The following EZH2 variants were observed in gnomAD, a reference collection of about 807,000 sequenced individuals.
EZH2 encodes enhancer of zeste 2 polycomb repressive complex 2 subunit, also known as histone-lysine N-methyltransferase EZH2.
In EZH2, 18 loss-of-function variants were observed where a neutral mutation model predicts 98.4. That is an observed-to-expected ratio of 0.18 (90% CI 0.13 to 0.27). The LOEUF is 0.27. Ranked by LOEUF, EZH2 falls within the 10% of genes least tolerant of loss-of-function variation. EZH2 has a pLI of 1.00. For missense variants in EZH2, 470 were observed against 935.1 expected, an observed-to-expected ratio of 0.50 and a Z score of 6.49; for synonymous variants, 338 against 312.3, an observed-to-expected ratio of 1.08 and a Z score of -0.87.
intron 1 of EZH2, among the ~76,000 whole-genome samples, chr7:148,875,861 CAG>C (rs1487559470): frequency 2.6e-5 from 4 of 152,132 alleles, no homozygotes; most frequent in Non-Finnish European, 5.9e-5. Flanking sequence ...AATATTAATT[CAG>C]AGAGTTTACT....
At chr7:148,850,496 C>A (rs1324994810) in intron 1 of EZH2, 2 of 940,294 alleles carry the variant, frequency 2.1e-6, no homozygotes, top group Non-Finnish European at 2.5e-6. Context: ...CCAGGTAGTT[C>A]TTTGAAAGTG....
At chr7:148,819,803 T>A in intron 8 of EZH2, 116 bp from the exon 9 acceptor site, 1 of 847,676 alleles carries the variant, frequency 1.2e-6, no homozygotes, top group Non-Finnish European at 1.8e-6. Context: ...ATATGTGGTT[T>A]ACGTTACTTC....
chr7:148,807,814 TAAAAAAAAA>T (rs35866517), intron 19 of EZH2, 108 bp from the exon 20 acceptor site: 27 of 400,234 alleles, frequency 6.7e-5, no homozygotes, highest in Middle Eastern at 5.7e-4. Context: ...AAAATGTCTT[TAAAAAAAAA>T]AAAAAAAAAA....
intron 3 of EZH2, among the ~76,000 whole-genome samples, chr7:148,845,193 G>A (rs2129484531): frequency 6.6e-6 from 1 of 152,196 alleles, no homozygotes; most frequent in Non-Finnish European, 1.5e-5. Context: ...GAGAAAATGA[G>A]GTTTTTCTTT....
intron 3 of EZH2, among the ~76,000 whole-genome samples, chr7:148,844,069 T>G (rs1813294548): frequency 6.6e-6 from 1 of 151,658 alleles, no homozygotes; most frequent in African/African-American, 2.4e-5. Context: ...TGCTATAGAC[T>G]TTACGTGTTT....
Position 148,848,637 on chromosome 7 carries a change from G to A in EZH2, c.-7-1332C>T, listed in dbSNP as rs182526345. On this transcript the variant is annotated intron_variant, in intron 1 of 19. Transcript: ENST00000320356. Reference sequence around the variant, plus strand: ...TTACTCAGAGCTGTAACAAAGGGGCGAAGAAATTCATTTTCTCAAGCATGT... The same window carrying A: ...TTACTCAGAGCTGTAACAAAGGGGCAAAGAAATTCATTTTCTCAAGCATGT... Among the ~76,000 whole-genome samples the A allele has an allele frequency of 1.1e-3, 163 of 152,240 alleles. 2 individuals carry two copies. The highest frequency in any genetic ancestry group is 3.5e-3 in the African/African-American group (146 of 41,550).
At chr7:148,862,425 A>G (rs1817809900) in intron 1 of EZH2, among the ~76,000 whole-genome samples, 1 of 152,216 alleles carries the variant, frequency 6.6e-6, no homozygotes, top group South Asian at 2.1e-4. Context: ...GTAACAGACA[A>G]AAGTTTTCCA....
intron 1 of EZH2, among the ~76,000 whole-genome samples, chr7:148,882,102 T>G (rs1821089140): frequency 6.6e-6 from 1 of 152,150 alleles, no homozygotes; most frequent in Non-Finnish European, 1.5e-5. Context: ...ACAGAATTAA[T>G]AGTAACTAAT....
chr7:148,867,938 C>T (rs1818780582), intron 1 of EZH2, among the ~76,000 whole-genome samples: 2 of 152,214 alleles, frequency 1.3e-5, no homozygotes, highest in Admixed American at 1.3e-4. Context: ...TCTTTGCTAA[C>T]ACATAGCAAG....
chr7:148,809,928 C>T (rs1802563166), intron 17 of EZH2, among the ~76,000 whole-genome samples: 1 of 152,232 alleles, frequency 6.6e-6, no homozygotes, highest in Admixed American at 6.5e-5. Flanking sequence ...CCTCTCAGTC[C>T]TTTGAGAATA....
chr7:148,819,666 G>A lies in EZH2; in HGVS notation c.929C>T (p.Thr310Ile), dbSNP rs2129472399. 6.2e-7 allele frequency: 1 copy of A among 1,614,094 alleles called. No individual in the cohort carries two copies. Residue 310 changes from threonine to isoleucine, a missense_variant, in exon 9 of 20, where the codon ACT becomes ATT. Thr to Ile is a moderately conservative substitution (Grantham distance 89). Coordinates refer to ENST00000320356, the MANE Select transcript of EZH2 (RefSeq NM_004456.5). ...TGTTTCTGTGTTCTTCCGCTTATAA[G>A]TGTTGGGTGTTGCATGAAAAGCTGC... Reference protein sequence around the residue: ...CNYSFHATPNTYKRKNTETAL... With the variant: ...CNYSFHATPNIYKRKNTETAL...
chr7:148,809,162 A>G lies in EZH2; in HGVS notation c.2111-7T>C. The G allele has an allele frequency of 6.2e-7, 1 of 1,613,960 alleles. No individual in the cohort carries two copies. Among genetic ancestry groups the G allele is most frequent in the South Asian group, 1.1e-5 (1 of 91,064 alleles). ...TCACCGTTAACCATCATAACTGCAAAGAGACACACTGGTGTCAGTGAGCAT... is the reference window on the plus strand; with the variant it reads ...TCACCGTTAACCATCATAACTGCAAGGAGACACACTGGTGTCAGTGAGCAT... On this transcript the variant is annotated splice_polypyrimidine_tract_variant and splice_region_variant and intron_variant, in intron 18 of 19. Transcript: ENST00000320356.
chr7:148,870,580 G>A (rs1228324785), intron 1 of EZH2, among the ~76,000 whole-genome samples: 1 of 151,734 alleles, frequency 6.6e-6, no homozygotes, highest in Non-Finnish European at 1.5e-5. Context: ...GTGCATACCT[G>A]TAATCCCAGA....
At chr7:148,856,130 T>A (rs1434470102) in intron 1 of EZH2, among the ~76,000 whole-genome samples, 1 of 152,128 alleles carries the variant, frequency 6.6e-6, no homozygotes, top group African/African-American at 2.4e-5. Context: ...GATAATCTCA[T>A]GGAAGGAGCA....
chr7:148,819,691 C>CA lies in EZH2; in HGVS notation c.908-5dup, dbSNP rs1805468089. 1.2e-6 allele frequency: 2 copies of CA among 1,612,728 alleles called. No individual in the cohort carries two copies. The highest frequency in any genetic ancestry group is 1.7e-5 in the Admixed American group (1 of 59,892). Reference sequence around the variant, plus strand: ...GTGTTGGGTGTTGCATGAAAAGCTGCAAAATAAATGAAACAAAGAATCTAA... The same window carrying CA: ...GTGTTGGGTGTTGCATGAAAAGCTGCAAAAATAAATGAAACAAAGAATCTAA... On this transcript the variant is annotated splice_polypyrimidine_tract_variant and splice_region_variant and intron_variant, in intron 8 of 19. Transcript: ENST00000320356.
At chr7:148,881,710 C>T (rs1355123976) in intron 1 of EZH2, among the ~76,000 whole-genome samples, 4 of 151,922 alleles carry the variant, frequency 2.6e-5, no homozygotes, top group African/African-American at 9.7e-5. Context: ...GAGGCGGGTA[C>T]ATCACTTCAG....
intron 1 of EZH2, among the ~76,000 whole-genome samples, chr7:148,874,082 G>C (rs1172170373): frequency 6.6e-6 from 1 of 152,090 alleles, no homozygotes; most frequent in East Asian, 1.9e-4. Flanking sequence ...ACAGGAGAAA[G>C]ATATAAGAAG....
At position 148,846,884 on chromosome 7, in the gene EZH2, AT is replaced by A. The variant is rs1161068583; in HGVS notation, c.118-287del. On this transcript the variant is annotated intron_variant, in intron 2 of 19. Transcript: ENST00000320356. ...TGTGTGTGTGTGTGTGTGTGTGTGTATTTTTTTTTTTAATCACAATGACTTT... is the reference window on the plus strand; with the variant it reads ...TGTGTGTGTGTGTGTGTGTGTGTGTATTTTTTTTTTAATCACAATGACTTT... Among the ~76,000 whole-genome samples the A allele has an allele frequency of 0.022, 2,064 of 92,346 alleles. 47 individuals are homozygous for A. Among genetic ancestry groups the A allele is most frequent in the African/African-American group, 0.068 (1,783 of 26,322 alleles). The allele number at this position is 92,346 out of a possible 152,430, so 60.6% of individuals were successfully genotyped here.
At chr7:148,855,211 CAG>C (rs1816613399) in intron 1 of EZH2, among the ~76,000 whole-genome samples, 2 of 152,226 alleles carry the variant, frequency 1.3e-5, no homozygotes, top group South Asian at 2.1e-4. Context: ...TCTAGCTCAG[CAG>C]AGAGAGTGCT....
Sources: allele counts gnomAD v4.1 joint callset (sites outside exome capture counted in the v4.1 genomes callset), GRCh38; gene constraint gnomAD v4.1.1; transcripts MANE v1.5; gene names NCBI Gene and HGNC (gene_info 2026-07-23, HGNC 2026-07-21).